Variants in LINS1 observed in about 807,000 individuals in gnomAD.
LINS1 encodes lines homolog 1.
A neutral mutation model predicts 41.6 loss-of-function variants in LINS1; 27 were observed. The observed-to-expected ratio is 0.65, with a 90% CI of 0.48 to 0.89. The LOEUF is 0.89. Among genes scored for constraint, LINS1 ranks in the 40% least tolerant of loss-of-function variants. LINS1 has a pLI of 0.00. For missense variants in LINS1, 955 were observed against 884.1 expected, an observed-to-expected ratio of 1.08 and a Z score of -1.02; for synonymous variants, 336 against 312.9, an observed-to-expected ratio of 1.07 and a Z score of -0.78.
Position 100,567,881 on chromosome 15 carries a change from A to G in LINS1, c.*1357T>C, listed in dbSNP as rs139385152. Reference sequence around the variant, plus strand: ...CACTGATTTTTCCATGTCTACCTGAATTAAGTACTAAACTGTTTCGAATAC... The same window carrying G: ...CACTGATTTTTCCATGTCTACCTGAGTTAAGTACTAAACTGTTTCGAATAC... On this transcript the variant is annotated 3_prime_UTR_variant, in exon 7 of 7. Coordinates refer to ENST00000314742, the MANE Select transcript of LINS1 (RefSeq NM_001040616.3). The G allele has an allele frequency of 2.0e-3, 305 of 152,334 alleles. 1 individual carries two copies. Among genetic ancestry groups the G allele is most frequent in the African/African-American group, 6.9e-3 (288 of 41,566 alleles). 9.4% of individuals were successfully genotyped at this position (152,334 alleles called of 1,614,324 possible).
chr15:100,598,651 C>G (rs2039348147), intron 1 of LINS1, among the ~76,000 whole-genome samples: 2 of 152,236 alleles, frequency 1.3e-5, no homozygotes, highest in Non-Finnish European at 2.9e-5. Flanking sequence ...TTTCGGCGTT[C>G]TTTTTGCTGT....
At chr15:100,579,537 T>G (rs1471983252) in intron 3 of LINS1, among the ~76,000 whole-genome samples, 1 of 152,172 alleles carries the variant, frequency 6.6e-6, no homozygotes, top group Non-Finnish European at 1.5e-5. Flanking sequence ...TAGTGAATTT[T>G]TCATTTTAAT....
In LINS1 at chr15:100,569,193, T is replaced by C. The variant is rs1233548589; in HGVS notation, c.*45A>G. On this transcript the variant is annotated 3_prime_UTR_variant, in exon 7 of 7. Coordinates refer to ENST00000314742, the MANE Select transcript of LINS1 (RefSeq NM_001040616.3). The stretch of plus-strand genomic sequence containing the variant: ...TACTATTACCTCATTGAGACATAAT[T>C]TATATTAAGGAAAAACAATACCTGG... 5 of 1,356,042 alleles carry C rather than the reference T, an allele frequency of 3.7e-6. No homozygotes were observed. The highest frequency in any genetic ancestry group is 1.4e-5 in the African/African-American group (1 of 69,086). 84.0% of individuals were successfully genotyped at this position (1,356,042 alleles called of 1,614,324 possible).
chr15:100,578,284 G>A (rs1342900780), intron 3 of LINS1, among the ~76,000 whole-genome samples: 1 of 152,004 alleles, frequency 6.6e-6, no homozygotes, highest in Non-Finnish European at 1.5e-5. Context: ...ATCTGACAAA[G>A]GGCTAATATC....
intron 1 of LINS1, among the ~76,000 whole-genome samples, chr15:100,586,740 C>T (rs572097971): frequency 2.8e-4 from 42 of 152,090 alleles, no homozygotes; most frequent in Admixed American, 5.9e-4. Context: ...CAGTAAGTAG[C>T]GGATAAACAT....
chr15:100,574,602 G>A (rs900364432), intron 4 of LINS1, among the ~76,000 whole-genome samples: 3 of 152,156 alleles, frequency 2.0e-5, no homozygotes, highest in Non-Finnish European at 4.4e-5. Context: ...CAGCTACTCG[G>A]GAGGCTGAGG....
rs531119258 is a variant in LINS1, at chr15:100,596,645, C to A, written c.-104+5476G>T. On this transcript the variant is annotated intron_variant, in intron 1 of 6. Transcript: ENST00000314742. ...ATAAAAAGCAGCCCCCAAATCATTT[C>A]TTTTCTAACAAAAAGCGGCCTGAAA... Among the ~76,000 whole-genome samples, 267 of 152,316 alleles carry A rather than the reference C, an allele frequency of 1.8e-3. 1 individual carries two copies. Among genetic ancestry groups the A allele is most frequent in the African/African-American group, 6.3e-3 (260 of 41,572 alleles).
At position 100,599,372 on chromosome 15, in the gene LINS1, T is replaced by C. The variant is rs551457804; in HGVS notation, c.-104+2749A>G. Among the ~76,000 whole-genome samples, 71 of 152,326 alleles carry C rather than the reference T, an allele frequency of 4.7e-4. 1 individual carries two copies. In the South Asian group the frequency reaches 0.013, roughly 28 times the overall value. ...TAAAATTACCTAGTAGCACATTCTG[T>C]GAAACTTTGACAATATGATGTTACT... On this transcript the variant is annotated intron_variant, in intron 1 of 6. Coordinates refer to ENST00000314742, the MANE Select transcript of LINS1 (RefSeq NM_001040616.3).
chr15:100,571,899 C>A lies in LINS1; in HGVS notation c.1389G>T (p.Leu463=), dbSNP rs1386172883. 3 of 1,614,042 alleles carry A rather than the reference C, an allele frequency of 1.9e-6. No individual in the cohort carries two copies. Among genetic ancestry groups the A allele is most frequent in the Admixed American group, 3.3e-5 (2 of 60,018 alleles). ...TTACTTTAAAATACACTAACCTGGT[C>A]AGTGTTAAGTAGATGCCCAGTGATG... The part of the protein sequence containing the change: ...AKASLGIYLT[L]TRGCEATESL... The change falls in exon 6 of 7, where the codon CTG becomes CTT. Residue 463 remains leucine, a synonymous_variant. Coordinates refer to ENST00000314742, the MANE Select transcript of LINS1 (RefSeq NM_001040616.3).
chr15:100,599,207 T>C (rs143414577), intron 1 of LINS1, among the ~76,000 whole-genome samples: 2 of 152,372 alleles, frequency 1.3e-5, no homozygotes, highest in African/African-American at 4.8e-5. Context: ...ATTAACTAAG[T>C]TAATGGGAAA....
At chr15:100,572,943 T>A (rs2037915212) in intron 5 of LINS1, 2 of 539,022 alleles carry the variant, frequency 3.7e-6, no homozygotes, top group South Asian at 1.5e-4. Flanking sequence ...GACGAGAGGA[T>A]CACTTCAGCT....
chr15:100,578,308 T>G (rs374938472), intron 3 of LINS1, among the ~76,000 whole-genome samples: 38 of 152,066 alleles, frequency 2.5e-4, no homozygotes, highest in African/African-American at 6.7e-4. Flanking sequence ...AATCTACAAA[T>G]AACTCAAACA....
At position 100,573,790 on chromosome 15, in the gene LINS1, A is replaced by G. The variant is rs764576561; in HGVS notation, c.1083T>C (p.Phe361=). The part of the protein sequence containing the change: ...KTLSVYEKHS[F]FGGDEVQPEC... The stretch of plus-strand genomic sequence containing the variant: ...CAGGTTGAACTTCATCACCTCCAAA[A>G]AAGGAATGTTTTTCATAAACAGACA... Residue 361 remains phenylalanine (F), a synonymous_variant, in exon 5 of 7, where the codon TTT becomes TTC. Transcript: ENST00000314742. The G allele has an allele frequency of 2.5e-6, 4 of 1,614,232 alleles. No individual in the cohort carries two copies. Among genetic ancestry groups the G allele is most frequent in the Non-Finnish European group, 3.4e-6 (4 of 1,180,042 alleles).
chr15:100,579,954 C>T (rs543912881), intron 3 of LINS1, among the ~76,000 whole-genome samples: 3 of 152,258 alleles, frequency 2.0e-5, no homozygotes, highest in Non-Finnish European at 4.4e-5. Context: ...TCATCATATT[C>T]TATTCTTAAA....
intron 1 of LINS1, among the ~76,000 whole-genome samples, chr15:100,588,019 T>G (rs1046821717): frequency 4.6e-5 from 7 of 152,224 alleles, no homozygotes; most frequent in African/African-American, 7.2e-5. Flanking sequence ...CCTCTCTCAA[T>G]TTGTGCCAAA....
chr15:100,567,382 T>G lies in LINS1; in HGVS notation c.*1856A>C. ...AAAATAGTACAAAAAGATGAGACTT[T>G]GTCTTCCACATCAGACCTGTCTCCC... On this transcript the variant is annotated 3_prime_UTR_variant, in exon 7 of 7. Coordinates refer to ENST00000314742, the MANE Select transcript of LINS1 (RefSeq NM_001040616.3). 1 of 152,238 alleles carries G rather than the reference T, an allele frequency of 6.6e-6. No individual in the cohort carries two copies. Among genetic ancestry groups the G allele is most frequent in the East Asian group, 1.9e-4 (1 of 5,198 alleles). 9.4% of individuals were successfully genotyped at this position (152,238 alleles called of 1,614,324 possible).
Position 100,573,887 on chromosome 15 carries a change from T to C in LINS1, c.986A>G (p.His329Arg). ...SVPALMPPDH[H>R]VAVDMLALAN... ...TAAAGCCAGCATGTCCACCGCTACATGATGGTCTGGCGGCATTAAGGCAGG... is the reference window on the plus strand; with the variant it reads ...TAAAGCCAGCATGTCCACCGCTACACGATGGTCTGGCGGCATTAAGGCAGG... The change falls in exon 5 of 7, where the codon CAT (histidine) becomes CGT (arginine). Residue 329 changes from histidine (H) to arginine (R), a missense_variant. Physicochemically the swap from His to Arg is conservative, Grantham distance 29. Coordinates refer to ENST00000314742, the MANE Select transcript of LINS1 (RefSeq NM_001040616.3). 1.9e-6 allele frequency: 3 copies of C among 1,614,236 alleles called. No homozygotes were observed. The highest frequency in any genetic ancestry group is 1.3e-5 in the African/African-American group (1 of 75,066).
chr15:100,571,383 A>G (rs924838875), intron 6 of LINS1, among the ~76,000 whole-genome samples: 2 of 152,256 alleles, frequency 1.3e-5, no homozygotes, highest in African/African-American at 4.8e-5. Flanking sequence ...CTATTTTAAT[A>G]AAGCAGAGAC....
intron 1 of LINS1, among the ~76,000 whole-genome samples, chr15:100,595,002 G>A (rs1242742167): frequency 6.6e-6 from 1 of 152,122 alleles, no homozygotes; most frequent in Non-Finnish European, 1.5e-5. Flanking sequence ...GTGAATAAGG[G>A]TTACTATGAC....
Sources: gnomAD v4.1 joint callset for allele counts (sites outside exome capture counted in the v4.1 genomes callset) on GRCh38, gnomAD v4.1.1 for gene constraint, MANE v1.5 for transcripts, NCBI Gene and HGNC (gene_info 2026-07-23, HGNC 2026-07-21) for gene names.